CERS6: variants seen among roughly 807,000 people sequenced by gnomAD.
CERS6 encodes ceramide synthase 6.
CERS6 carries 26 observed loss-of-function variants against 56.8 expected under a neutral mutation model. The observed-to-expected ratio is 0.46, with a 90% CI of 0.34 to 0.63. The LOEUF is 0.63. Among genes scored for constraint, CERS6 ranks in the 30% least tolerant of loss-of-function variants. CERS6 has a pLI of 0.01. For synonymous variants in CERS6, 164 were observed against 173.3 expected (o/e 0.95, Z 0.42); for missense variants, 415 against 467.5 (o/e 0.89, Z 1.04).
At chr2:168,759,887 C>G (rs989970773) in intron 8 of CERS6, among the ~76,000 whole-genome samples, 4 of 150,760 alleles carry the variant, frequency 2.7e-5, no homozygotes, top group African/African-American at 7.3e-5. Flanking sequence ...AAAAGCTGTA[C>G]GTTGTGTGTG....
Position 168,757,041 on chromosome 2 carries a change from A to G in CERS6, c.846-8551A>G, listed in dbSNP as rs376770355. 1.1e-4 allele frequency among the ~76,000 whole-genome samples: 17 copies of G among 152,356 alleles called. 1 individual carries two copies. Among genetic ancestry groups the G allele is most frequent in the Admixed American group, 4.6e-4 (7 of 15,308 alleles). On this transcript the variant is annotated intron_variant, in intron 8 of 9. Transcript: ENST00000305747. ...ATTAATGTTGCTATATGAGGATCTT[A>G]CAGAGATGTTGAATGGGCAAAATGA...
At chr2:168,515,052 G>A (rs1694861625) in intron 1 of CERS6, among the ~76,000 whole-genome samples, 1 of 151,988 alleles carries the variant, frequency 6.6e-6, no homozygotes, top group Non-Finnish European at 1.5e-5. Flanking sequence ...CTTTGTAATT[G>A]GTTTTTGATA....
At chr2:168,747,277 C>A (rs1684136335) in intron 8 of CERS6, among the ~76,000 whole-genome samples, 1 of 142,380 alleles carries the variant, frequency 7.0e-6, no homozygotes, top group African/African-American at 2.6e-5. Flanking sequence ...TGGAGTGAGA[C>A]CCTGTCTCAA....
intron 1 of CERS6, among the ~76,000 whole-genome samples, chr2:168,473,331 CTG>C (rs1300181729): frequency 1.3e-5 from 2 of 152,014 alleles, no homozygotes; most frequent in African/African-American, 4.8e-5. Context: ...GCTGCTATCT[CTG>C]TTTGCATTTT....
chr2:168,587,762 A>G (rs2105400787), intron 3 of CERS6, among the ~76,000 whole-genome samples: 1 of 151,660 alleles, frequency 6.6e-6, no homozygotes, highest in South Asian at 2.1e-4. Flanking sequence ...TATATAATAT[A>G]GTAAGTTTTT....
intron 1 of CERS6, among the ~76,000 whole-genome samples, chr2:168,457,773 G>A (rs1693700789): frequency 6.6e-6 from 1 of 152,102 alleles, no homozygotes; most frequent in Non-Finnish European, 1.5e-5. Context: ...GACTGTTGAG[G>A]GTGGCAGAAC....
chr2:168,643,024 C>T (rs768555991), intron 4 of CERS6, among the ~76,000 whole-genome samples: 24 of 152,306 alleles, frequency 1.6e-4, no homozygotes, highest in Non-Finnish European at 2.9e-4. Context: ...ATATTTGGCA[C>T]TAGCTATTAG....
intron 1 of CERS6, among the ~76,000 whole-genome samples, chr2:168,546,198 G>A (rs963994971): frequency 3.3e-5 from 5 of 152,158 alleles, no homozygotes; most frequent in Admixed American, 1.3e-4. Flanking sequence ...GGCCAGAGTC[G>A]TTAGGAAAAG....
chr2:168,756,031 C>A (rs1267675366), intron 8 of CERS6, among the ~76,000 whole-genome samples: 1 of 152,204 alleles, frequency 6.6e-6, no homozygotes, highest in Admixed American at 6.5e-5. Flanking sequence ...CCCACTTGGG[C>A]CCAGGAGCAC....
chr2:168,559,345 C>T (rs536960752), intron 2 of CERS6, among the ~76,000 whole-genome samples: 63 of 152,268 alleles, frequency 4.1e-4, no homozygotes, highest in Admixed American at 8.5e-4. Flanking sequence ...TAACAGAATA[C>T]TATCAACTGG....
chr2:168,612,270 C>G (rs1217196081), intron 3 of CERS6, among the ~76,000 whole-genome samples: 1 of 152,176 alleles, frequency 6.6e-6, no homozygotes, highest in African/African-American at 2.4e-5. Flanking sequence ...AGAGCCAGTC[C>G]TACGTAGAAG....
intron 4 of CERS6, among the ~76,000 whole-genome samples, chr2:168,646,570 T>C (rs915395310): frequency 6.6e-6 from 1 of 152,266 alleles, no homozygotes; most frequent in African/African-American, 2.4e-5. Flanking sequence ...GTTTTGCTTT[T>C]GTTGCGATTG....
At chr2:168,532,536 C>G (rs949276230) in intron 1 of CERS6, among the ~76,000 whole-genome samples, 2 of 150,936 alleles carry the variant, frequency 1.3e-5, no homozygotes, top group East Asian at 3.9e-4. Flanking sequence ...CATTTGTTTT[C>G]TCCTTTGTCT....
chr2:168,594,442 G>A (rs1046838445), intron 3 of CERS6, among the ~76,000 whole-genome samples: 3 of 152,032 alleles, frequency 2.0e-5, no homozygotes, highest in Admixed American at 6.6e-5. Context: ...TAAATTAGCC[G>A]GGCATGGTGG....
chr2:168,680,044 G>A (rs1574154967), intron 4 of CERS6, among the ~76,000 whole-genome samples: 1 of 152,208 alleles, frequency 6.6e-6, no homozygotes, highest in Non-Finnish European at 1.5e-5. Context: ...TTTTCAAAGA[G>A]TCTGGAGTTC....
chr2:168,537,511 T>C lies in CERS6; in HGVS notation c.171-10085T>C, dbSNP rs530965838. ...TCAGATTTTATTCTACCACATACTT[T>C]ATTTTACAGTTTTTATAAAATAGCC... On this transcript the variant is annotated intron_variant, in intron 1 of 9. Transcript: ENST00000305747. Among the ~76,000 whole-genome samples, 15 of 152,370 alleles carry C rather than the reference T, an allele frequency of 9.8e-5. No homozygotes were observed. In the South Asian group the frequency reaches 2.9e-3, roughly 29 times the overall value.
intron 8 of CERS6, among the ~76,000 whole-genome samples, chr2:168,735,880 CAAAA>C (rs145418479): frequency 7.5e-5 from 8 of 106,566 alleles, no homozygotes; most frequent in East Asian, 2.8e-4. Context: ...GACCCTGTCT[CAAAA>C]AAAAAAAAAA....
In CERS6 at chr2:168,717,901, T is replaced by C; in HGVS notation, c.768T>C (p.Phe256=). ...CCAAAATGGCAAATTATGCCAAGTT[T>C]CAGAAAATGTGTGATCTCCTGTTTG... is the stretch of plus-strand genomic sequence containing the variant. ...EAAKMANYAK[F]QKMCDLLFVM... Residue 256 remains phenylalanine, a synonymous_variant, in exon 8 of 10, where the codon TTT becomes TTC. Coordinates refer to ENST00000305747, the MANE Select transcript of CERS6 (RefSeq NM_203463.3). 1 of 1,613,828 alleles carries C rather than the reference T, an allele frequency of 6.2e-7. No homozygotes were observed. The highest frequency in any genetic ancestry group is 2.2e-5 in the East Asian group (1 of 44,864).
chr2:168,552,124 TCTC>T (rs1695583537), intron 2 of CERS6, among the ~76,000 whole-genome samples: 1 of 152,154 alleles, frequency 6.6e-6, no homozygotes, highest in Non-Finnish European at 1.5e-5. Flanking sequence ...TTTTCCTAAT[TCTC>T]CTCAATAATC....
Sources: allele counts gnomAD v4.1 joint callset (sites outside exome capture counted in the v4.1 genomes callset), GRCh38; gene constraint gnomAD v4.1.1; transcripts MANE v1.5; gene names NCBI Gene and HGNC (gene_info 2026-07-23, HGNC 2026-07-21).